Variants in RBPJL observed in about 807,000 individuals in gnomAD.
RBPJL encodes the protein recombination signal binding protein for immunoglobulin kappa J region like.
RBPJL carries 50 observed loss-of-function variants against 57.6 expected under a neutral mutation model. That is an observed-to-expected ratio of 0.87 (90% CI 0.69 to 1.10). The LOEUF is 1.10. Ranked by LOEUF, RBPJL falls within the 50% of genes least tolerant of loss-of-function variation. The pLI, the probability that RBPJL is intolerant of heterozygous loss-of-function variation, is 0.00. For synonymous variants in RBPJL, 303 were observed against 294.4 expected (o/e 1.03, Z -0.30); for missense variants, 684 against 693.7 (o/e 0.99, Z 0.16).
chr20:45,314,035 C>G lies in RBPJL; in HGVS notation c.758C>G (p.Ala253Gly). ...GTCCCTTGCTTTTTTTGTCCCCCAG[C>G]TGATGGGCACTCTGCCCAAGGAGAC... is the stretch of plus-strand genomic sequence containing the variant. ...RQWAAFTLHL[A>G]DGHSAQGDFP... The change falls in exon 8 of 12, where the codon GCT (alanine) becomes GGT (glycine). Residue 253 changes from alanine to glycine, a missense_variant and splice_region_variant. Coordinates refer to ENST00000343694, the MANE Select transcript of RBPJL (RefSeq NM_014276.4). 6.2e-7 allele frequency: 1 copy of G among 1,611,088 alleles called. No homozygotes were observed. The highest frequency in any genetic ancestry group is 8.5e-7 in the Non-Finnish European group (1 of 1,177,322).
Position 45,314,436 on chromosome 20 carries a change from G to A in RBPJL, c.891G>A (p.Gln297=), listed in dbSNP as rs1987353638. Residue 297 remains glutamine (Q), a synonymous_variant, in exon 9 of 12, where the codon CAG becomes CAA. Transcript: ENST00000343694. ...AGATCATCCGTAAAGTAGCAAAACA[G>A]TGTGCGCTCCTTGATGTGGATGAGC... ...PPMIIRKVAK[Q]CALLDVDEPI... 1 of 1,614,090 alleles carries A rather than the reference G, an allele frequency of 6.2e-7. No homozygotes were observed. Among genetic ancestry groups the A allele is most frequent in the Non-Finnish European group, 8.5e-7 (1 of 1,179,948 alleles).
At position 45,316,293 on chromosome 20, in the gene RBPJL, CG is replaced by C; in HGVS notation, c.1128del (p.Cys377ValfsTer15). 3 of 1,614,244 alleles carry C rather than the reference CG, an allele frequency of 1.9e-6. No individual in the cohort carries two copies. The highest frequency in any genetic ancestry group is 2.5e-6 in the Non-Finnish European group (3 of 1,180,032). ...SVEFSFSTSLACTLEPVTPVP... is the reference protein window; with the variant it reads ...SVEFSFSTSLXCTLEPVTPVP... Reference sequence around the variant, plus strand: ...GAATTTTCCTTCAGCACCAGCCTGGCGTGTACCCTGGAGCCGGTCACTCCGG... The same window carrying C: ...GAATTTTCCTTCAGCACCAGCCTGGCTGTACCCTGGAGCCGGTCACTCCGG... On this transcript the variant is annotated frameshift_variant, in exon 10 of 12. Coordinates refer to ENST00000343694, the MANE Select transcript of RBPJL (RefSeq NM_014276.4). LOFTEE classifies it high-confidence loss of function.
At position 45,313,540 on chromosome 20, in the gene RBPJL, T is replaced by C. The variant is rs1987303028; in HGVS notation, c.692T>C (p.Leu231Pro). 3 of 1,613,968 alleles carry C rather than the reference T, an allele frequency of 1.9e-6. No individual in the cohort carries two copies. Among genetic ancestry groups the C allele is most frequent in the Non-Finnish European group, 2.5e-6 (3 of 1,179,938 alleles). The change falls in exon 7 of 12, where the codon CTC (leucine) becomes CCC (proline). Residue 231 changes from leucine to proline, a missense_variant. Physicochemically the swap from Leu to Pro is moderately conservative, Grantham distance 98. Transcript: ENST00000343694. ...TCTCAGACGGTCTCCACACGCTACC[T>C]CTCTGTGGAGGATGGGGCCTTTGTG... is the stretch of plus-strand genomic sequence containing the variant. ...LRSQTVSTRY[L>P]SVEDGAFVAS...
intron 3 of RBPJL, among the ~76,000 whole-genome samples, chr20:45,310,270 G>T (rs1007145591): frequency 6.6e-6 from 1 of 152,174 alleles, no homozygotes; most frequent in African/African-American, 2.4e-5. Context: ...TGCTGAAATG[G>T]AGCCAGACAG....
At chr20:45,314,762 C>T (rs971829878) in intron 9 of RBPJL, among the ~76,000 whole-genome samples, 197 bp downstream of exon 9, 2 of 152,204 alleles carry the variant, frequency 1.3e-5, no homozygotes, top group African/African-American at 4.8e-5. Context: ...AGCAATATTC[C>T]TTCCCAAAGA....
chr20:45,308,341 C>G, intron 2 of RBPJL, 90 bp downstream of exon 2: 1 of 866,792 alleles, frequency 1.2e-6, no homozygotes, highest in Non-Finnish European at 1.9e-6. Flanking sequence ...CCAGGGCTGG[C>G]GGGTGGGGAG....
At chr20:45,316,032 A>T in intron 9 of RBPJL, 155 bp from the exon 10 acceptor site, 1 of 577,972 alleles carries the variant, frequency 1.7e-6, no homozygotes, top group Non-Finnish European at 3.0e-6. Context: ...GAGAGAACTT[A>T]AGGGCACTGT....
At chr20:45,310,278 C>T (rs1018560822) in intron 3 of RBPJL, among the ~76,000 whole-genome samples, 1 of 152,104 alleles carries the variant, frequency 6.6e-6, no homozygotes, top group African/African-American at 2.4e-5. Flanking sequence ...TGGAGCCAGA[C>T]AGGAGAATAT....
chr20:45,308,828 G>A (rs780078584), intron 2 of RBPJL, among the ~76,000 whole-genome samples: 50 of 151,010 alleles, frequency 3.3e-4, no homozygotes, highest in Non-Finnish European at 5.9e-4. Flanking sequence ...CACCCACACC[G>A]CTCAAGACCC....
At chr20:45,311,995 C>G in intron 5 of RBPJL, 41 bp downstream of exon 5, 1 of 1,484,110 alleles carries the variant, frequency 6.7e-7, no homozygotes, top group Non-Finnish European at 9.2e-7. Flanking sequence ...TGCTCCCATC[C>G]CTGCCTCTCC....
At position 45,308,196 on chromosome 20, in the gene RBPJL, G is replaced by A; in HGVS notation, c.76G>A (p.Glu26Lys). 6.2e-7 allele frequency: 1 copy of A among 1,614,142 alleles called. No homozygotes were observed. The highest frequency in any genetic ancestry group is 8.5e-7 in the Non-Finnish European group (1 of 1,179,968). The change falls in exon 2 of 12, where the codon GAG becomes AAG. Residue 26 changes from glutamate (E) to lysine (K), a missense_variant. Glu to Lys is a moderately conservative substitution (Grantham distance 56). Transcript: ENST00000343694. ...LTHLSLQDRS[E>K]MQLQSEADRR... ...TCACCTGAGCCTGCAGGACAGATCA[G>A]AGATGCAGCTGCAGAGCGAAGCCGA...
chr20:45,312,445 A>G (rs770660904), intron 6 of RBPJL, 50 bp downstream of exon 6: 12 of 1,571,866 alleles, frequency 7.6e-6, no homozygotes, highest in African/African-American at 4.1e-5. Context: ...GGTGCAACCA[A>G]GCCCAGAACG....
intron 5 of RBPJL, 130 bp from the exon 6 acceptor site, chr20:45,312,091 A>G: frequency 6.7e-7 from 1 of 1,493,578 alleles, no homozygotes; most frequent in South Asian, 1.2e-5. Context: ...CTTAAGGCCG[A>G]GCCTGAGAGC....
intron 3 of RBPJL, among the ~76,000 whole-genome samples, chr20:45,310,723 G>A (rs147544970): frequency 7.7e-4 from 117 of 152,292 alleles, no homozygotes; most frequent in African/African-American, 2.7e-3. Context: ...TAGGAAACAA[G>A]TCAGAGAGGT....
intron 2 of RBPJL, 118 bp downstream of exon 2, chr20:45,308,369 A>G: frequency 1.5e-6 from 1 of 671,910 alleles, no homozygotes; most frequent in Admixed American, 2.3e-5. Flanking sequence ...GCAGGCTGCA[A>G]CCCCTCCCAC....
chr20:45,309,764 G>C, intron 3 of RBPJL, 72 bp downstream of exon 3: 1 of 1,591,178 alleles, frequency 6.3e-7, no homozygotes, highest in Non-Finnish European at 8.6e-7. Flanking sequence ...TCCACCCATT[G>C]GGCCTCTTTT....
rs1480987710 is a variant in RBPJL, at chr20:45,314,536, C to T, written c.991C>T (p.Leu331Phe). Residue 331 changes from leucine to phenylalanine, a missense_variant, in exon 9 of 12, where the codon CTT (leucine) becomes TTT (phenylalanine). Physicochemically the swap from Leu to Phe is conservative, Grantham distance 22. Coordinates refer to ENST00000343694, the MANE Select transcript of RBPJL (RefSeq NM_014276.4). ...AGGAGGGGGTGGCACCTACTTATGC[C>T]TTGCCACAGAGAAGGTGGTGCAATT... The part of the protein sequence containing the change: ...PPGGGGTYLC[L>F]ATEKVVQFQA... 1 of 1,613,948 alleles carries T rather than the reference C, an allele frequency of 6.2e-7. No homozygotes were observed. The highest frequency in any genetic ancestry group is 2.2e-5 in the East Asian group (1 of 44,878).
rs553784068 is a variant in RBPJL at position 45,316,194 on chromosome 20, C to T, written c.1028C>T (p.Pro343Leu). Residue 343 changes from proline (P) to leucine (L), a missense_variant, in exon 10 of 12, where the codon CCC becomes CTC. By Grantham distance (98) the Pro-to-Leu change is moderately conservative. Coordinates refer to ENST00000343694, the MANE Select transcript of RBPJL (RefSeq NM_014276.4). ...TEKVVQFQASPCPKEANRALL... is the reference protein window; with the variant it reads ...TEKVVQFQASLCPKEANRALL... ...CCTTGGGTCTCCTCCCAGGCCTCTCCCTGCCCCAAGGAGGCGAACAGGGCT... is the reference window on the plus strand; with the variant it reads ...CCTTGGGTCTCCTCCCAGGCCTCTCTCTGCCCCAAGGAGGCGAACAGGGCT... 1.9e-6 allele frequency: 3 copies of T among 1,613,672 alleles called. No individual in the cohort carries two copies. Among genetic ancestry groups the T allele is most frequent in the Admixed American group, 3.3e-5 (2 of 60,004 alleles).
Position 45,311,872 on chromosome 20 carries a change from G to A in RBPJL, c.362G>A (p.Cys121Tyr), listed in dbSNP as rs996777433. The change falls in exon 5 of 12, where the codon TGC (cysteine) becomes TAC (tyrosine). Residue 121 changes from cysteine (C) to tyrosine (Y), a missense_variant. Transcript: ENST00000343694. ...HQAGETGPTV[C>Y]GYMGLDSASG... ...GCGGGGGAAACGGGGCCCACGGTCTGCGGTTACATGGGACTGGACAGCGCG... is the reference window on the plus strand; with the variant it reads ...GCGGGGGAAACGGGGCCCACGGTCTACGGTTACATGGGACTGGACAGCGCG... 1 of 1,551,772 alleles carries A rather than the reference G, an allele frequency of 6.4e-7. No homozygotes were observed. Among genetic ancestry groups the A allele is most frequent in the Non-Finnish European group, 8.7e-7 (1 of 1,147,052 alleles).
Sources: allele counts gnomAD v4.1 joint callset (sites outside exome capture counted in the v4.1 genomes callset), GRCh38; gene constraint gnomAD v4.1.1; transcripts MANE v1.5; gene names NCBI Gene and HGNC (gene_info 2026-07-23, HGNC 2026-07-21).